Variants in ADAMTS12 observed in about 807,000 individuals in gnomAD.
The protein encoded by ADAMTS12 is ADAM metallopeptidase with thrombospondin type 1 motif 12, also known as A disintegrin and metalloproteinase with thrombospondin motifs 12.
A neutral mutation model predicts 167.8 loss-of-function variants in ADAMTS12; 118 were observed. The ratio of observed to expected loss-of-function variants is 0.70; its 90% CI spans 0.61 to 0.82. The LOEUF is 0.82. ADAMTS12 is among the 40% of genes least tolerant of loss of function. The pLI, the probability that ADAMTS12 is intolerant of heterozygous loss-of-function variation, is 0.00. For synonymous variants in ADAMTS12, 704 were observed against 716.9 expected, an observed-to-expected ratio of 0.98 and a Z score of 0.29; for missense variants, 1,916 against 1,998.8, an observed-to-expected ratio of 0.96 and a Z score of 0.79.
chr5:33,641,428 A>G (rs1740437577), intron 11 of ADAMTS12, among the ~76,000 whole-genome samples: 1 of 152,226 alleles, frequency 6.6e-6, no homozygotes, highest in African/African-American at 2.4e-5. Context: ...GCAAGCTACA[A>G]TCTTATCAGC....
chr5:33,823,510 T>C (rs1561291404), intron 2 of ADAMTS12, among the ~76,000 whole-genome samples: 2 of 152,254 alleles, frequency 1.3e-5, no homozygotes, highest in Admixed American at 1.3e-4. Flanking sequence ...CTACCACATG[T>C]TGGTCTTAGT....
At chr5:33,820,699 A>G (rs2548031) in intron 2 of ADAMTS12, among the ~76,000 whole-genome samples, 96,716 of 151,976 alleles carry the variant, frequency 0.64, 30,965 homozygotes, top group African/African-American at 0.68. Context: ...GATCCTATTC[A>G]CAATAACAAA....
At chr5:33,744,697 G>T (rs1277441785) in intron 3 of ADAMTS12, among the ~76,000 whole-genome samples, 3 of 152,162 alleles carry the variant, frequency 2.0e-5, no homozygotes, top group African/African-American at 7.2e-5. Context: ...GACAAGACTT[G>T]GTAATAATGT....
intron 19 of ADAMTS12, among the ~76,000 whole-genome samples, chr5:33,570,561 C>T (rs1401989019): frequency 6.6e-6 from 1 of 152,036 alleles, no homozygotes; most frequent in Non-Finnish European, 1.5e-5. Flanking sequence ...GATTTTGTCA[C>T]CACCAGGCCT....
chr5:33,715,463 G>C (rs1743569766), intron 3 of ADAMTS12, among the ~76,000 whole-genome samples: 1 of 151,948 alleles, frequency 6.6e-6, no homozygotes, highest in Non-Finnish European at 1.5e-5. Context: ...TCTAGCATTA[G>C]AAAAAATAAG....
chr5:33,757,253 G>A (rs900069449), intron 2 of ADAMTS12, among the ~76,000 whole-genome samples: 1 of 152,196 alleles, frequency 6.6e-6, no homozygotes, highest in Non-Finnish European at 1.5e-5. Context: ...GGGAACACCC[G>A]TGCACTGCAC....
chr5:33,622,687 G>A (rs78044135), intron 14 of ADAMTS12, among the ~76,000 whole-genome samples: 4,793 of 152,096 alleles, frequency 0.032, 273 homozygotes, highest in African/African-American at 0.11. Flanking sequence ...CGAAAAAACA[G>A]GTTAAATGCA....
chr5:33,547,589 T>C (rs1029664385), intron 21 of ADAMTS12, among the ~76,000 whole-genome samples: 1 of 152,124 alleles, frequency 6.6e-6, no homozygotes, highest in Non-Finnish European at 1.5e-5. Flanking sequence ...GGTACTCAAC[T>C]GACTTTTACA....
At chr5:33,671,111 A>C (rs893809605) in intron 5 of ADAMTS12, among the ~76,000 whole-genome samples, 1 of 152,228 alleles carries the variant, frequency 6.6e-6, no homozygotes, top group Non-Finnish European at 1.5e-5. Context: ...GACAAAAATC[A>C]TACAGATGTA....
chr5:33,604,512 AAAAAGAAAAG>A (rs1229635828), intron 16 of ADAMTS12, among the ~76,000 whole-genome samples: 2 of 151,142 alleles, frequency 1.3e-5, no homozygotes, highest in Non-Finnish European at 2.9e-5. Context: ...AAAATTAAAA[AAAAAGAAAAG>A]AAAAGAAAAG....
chr5:33,869,409 G>A (rs1208216337), intron 2 of ADAMTS12, among the ~76,000 whole-genome samples: 1 of 152,098 alleles, frequency 6.6e-6, no homozygotes, highest in African/African-American at 2.4e-5. Flanking sequence ...CAGGGGTAGA[G>A]CCCTCATGGA....
chr5:33,703,856 C>T (rs1029099395), intron 3 of ADAMTS12, among the ~76,000 whole-genome samples: 5 of 152,104 alleles, frequency 3.3e-5, no homozygotes, highest in African/African-American at 1.2e-4. Context: ...AAATTCCATG[C>T]CATTGAGACA....
At chr5:33,749,364 T>C (rs1744896606) in intron 3 of ADAMTS12, among the ~76,000 whole-genome samples, 1 of 152,162 alleles carries the variant, frequency 6.6e-6, no homozygotes, top group Non-Finnish European at 1.5e-5. Flanking sequence ...CCAATTATCT[T>C]GATGCTTTTG....
At chr5:33,802,785 A>C (rs1272786564) in intron 2 of ADAMTS12, among the ~76,000 whole-genome samples, 1 of 152,332 alleles carries the variant, frequency 6.6e-6, no homozygotes, top group East Asian at 1.9e-4. Context: ...TAGCAATAGC[A>C]GTCCTCTATG....
At chr5:33,546,943 A>T (rs1481460738) in intron 21 of ADAMTS12, among the ~76,000 whole-genome samples, 2 of 152,250 alleles carry the variant, frequency 1.3e-5, no homozygotes, top group Non-Finnish European at 2.9e-5. Flanking sequence ...TCTTGCAAAC[A>T]TCATGTCCAT....
chr5:33,748,196 CA>C (rs1744857626), intron 3 of ADAMTS12, among the ~76,000 whole-genome samples: 1 of 152,180 alleles, frequency 6.6e-6, no homozygotes, highest in East Asian at 1.9e-4. Context: ...TTCCACCTAA[CA>C]CCACTCAAAT....
chr5:33,604,754 G>A (rs1738357147), intron 16 of ADAMTS12, among the ~76,000 whole-genome samples: 1 of 152,070 alleles, frequency 6.6e-6, no homozygotes, highest in African/African-American at 2.4e-5. Context: ...CTGCAGTGTG[G>A]TCAAGTAAAA....
intron 23 of ADAMTS12, among the ~76,000 whole-genome samples, 153 bp from the exon 24 acceptor site, chr5:33,527,519 G>T (rs1053700076): frequency 6.6e-6 from 1 of 152,188 alleles, no homozygotes; most frequent in African/African-American, 2.4e-5. Context: ...TGTTTATTAT[G>T]TATCAGACGC....
At chr5:33,666,807 T>G (rs1741488424) in intron 5 of ADAMTS12, among the ~76,000 whole-genome samples, 1 of 152,204 alleles carries the variant, frequency 6.6e-6, no homozygotes, top group Non-Finnish European at 1.5e-5. Context: ...CAGGGTCTTT[T>G]TAAGGATATG....
Sources: allele counts gnomAD v4.1 joint callset (sites outside exome capture counted in the v4.1 genomes callset), GRCh38; gene constraint gnomAD v4.1.1; transcripts MANE v1.5; gene names NCBI Gene and HGNC (gene_info 2026-07-23, HGNC 2026-07-21).